The following PDPK1 variants were observed in gnomAD, a reference collection of about 807,000 sequenced individuals.
The protein encoded by PDPK1 is 3-phosphoinositide dependent protein kinase 1.
A neutral mutation model predicts 39.8 loss-of-function variants in PDPK1; 7 were observed. That is an observed-to-expected ratio of 0.18 (90% CI 0.10 to 0.33). The LOEUF is 0.33. PDPK1 is among the 10% of genes least tolerant of loss of function. The pLI is 1.00. For synonymous variants in PDPK1, 118 were observed against 159.1 expected (o/e 0.74, Z 1.95); for missense variants, 182 against 384.7 (o/e 0.47, Z 4.41).
In PDPK1 at chr16:2,538,645, C is replaced by T. The variant is rs759476910; in HGVS notation, c.24+509C>T. On this transcript the variant is annotated intron_variant, in intron 1 of 13. Coordinates refer to ENST00000342085, the MANE Select transcript of PDPK1 (RefSeq NM_002613.5). Reference sequence around the variant, plus strand: ...TTCTTGATGACAGTGGTCGGGAAAACTCGCCTTTCACGGCCCGGCCAAGGG... The same window carrying T: ...TTCTTGATGACAGTGGTCGGGAAAATTCGCCTTTCACGGCCCGGCCAAGGG... The T allele has an allele frequency of 6.2e-6, 8 of 1,288,946 alleles. No individual in the cohort carries two copies. In the African/African-American group the frequency reaches 1.1e-4, roughly 17 times the overall value. The allele number at this position is 1,288,946 out of a possible 1,614,324, so 79.8% of individuals were successfully genotyped here. A position where few individuals can be genotyped will look rare whatever the true frequency, so the allele number is the denominator to read the frequency against.
intron 1 of PDPK1, among the ~76,000 whole-genome samples, chr16:2,544,647 G>T (rs1240911368): frequency 6.6e-6 from 1 of 151,810 alleles, no homozygotes; most frequent in Non-Finnish European, 1.5e-5. Context: ...GCAGTGGCGC[G>T]ATCTCGGCTC....
At chr16:2,557,647 A>AT in intron 1 of PDPK1, 56 bp from the exon 2 acceptor site, 1 of 615,274 alleles carries the variant, frequency 1.6e-6, no homozygotes, top group Middle Eastern at 4.2e-4. Context: ...TAGTCCGTGC[A>AT]TTGAGAGCAA....
chr16:2,542,327 T>C (rs1042697800), intron 1 of PDPK1, among the ~76,000 whole-genome samples: 1 of 152,092 alleles, frequency 6.6e-6, no homozygotes, highest in Non-Finnish European at 1.5e-5. Context: ...CATTATTTAT[T>C]TATTTAATTT....
rs1222946384 is a variant in PDPK1 at position 2,544,307 on chromosome 16, C to T, written c.24+6171C>T. Among the ~76,000 whole-genome samples, 9 of 152,220 alleles carry T rather than the reference C, an allele frequency of 5.9e-5. No homozygotes were observed. The South Asian group carries it at 1.0e-3, about 18-fold the overall frequency. On this transcript the variant is annotated intron_variant, in intron 1 of 13. Transcript: ENST00000342085. ...GGAAAAGCTTGGAGGGAGGTTCCCA[C>T]AGAAATATTAGCAGTGGTTTCCTGG...
At chr16:2,591,763 T>G (rs947003845) in intron 11 of PDPK1, among the ~76,000 whole-genome samples, 8 of 152,280 alleles carry the variant, frequency 5.3e-5, no homozygotes, top group Non-Finnish European at 1.2e-4. Flanking sequence ...ACTCTCCTCA[T>G]TCATTATTTT....
At position 2,538,103 on chromosome 16, in the gene PDPK1, C is replaced by T; in HGVS notation, c.-10C>T. The T allele has an allele frequency of 3.8e-6, 4 of 1,060,950 alleles. No individual in the cohort carries two copies. The highest frequency in any genetic ancestry group is 4.6e-6 in the Non-Finnish European group (4 of 877,788). The allele number at this position is 1,060,950 out of a possible 1,614,324, so 65.7% of individuals were successfully genotyped here. On this transcript the variant is annotated 5_prime_UTR_variant, in exon 1 of 14. In the 5' UTR this introduces an upstream ATG that the reference lacks. Coordinates refer to ENST00000342085, the MANE Select transcript of PDPK1 (RefSeq NM_002613.5). ...GCTGCGGGGGAGGCGCCCGCGCCGA[C>T]GCGGGGCCCATGGCCAGGACCACCA...
intron 7 of PDPK1, among the ~76,000 whole-genome samples, chr16:2,577,887 C>T (rs1233370560): frequency 2.8e-4 from 41 of 148,926 alleles, no homozygotes; most frequent in East Asian, 1.0e-3. Context: ...TACAGGCGCA[C>T]GCCACCACGT....
rs761277571 is a variant in PDPK1 at position 2,597,210 on chromosome 16, G to A, written c.1489G>A (p.Glu497Lys). The A allele has an allele frequency of 8.1e-6, 13 of 1,596,828 alleles. No individual in the cohort carries two copies. Among genetic ancestry groups the A allele is most frequent in the Non-Finnish European group, 1.0e-5 (12 of 1,165,650 alleles). Reference sequence around the variant, plus strand: ...TCCTGTCAACAAAGTTCTGAAAGGTGAAATTCCTTGGTCACAAGAACTTCG... The same window carrying A: ...TCCTGTCAACAAAGTTCTGAAAGGTAAAATTCCTTGGTCACAAGAACTTCG... ...VDPVNKVLKGEIPWSQELRPE... is the reference protein window; with the variant it reads ...VDPVNKVLKGKIPWSQELRPE... Residue 497 changes from glutamate to lysine, a missense_variant, in exon 13 of 14, where the codon GAA becomes AAA. Around this residue, in one of 5 missense-constraint regions of PDPK1, gnomAD observed 67 missense variants for 87.8 expected, o/e 0.76. Transcript: ENST00000342085. The surrounding 1 kb of genome is among the most constrained non-coding windows in gnomAD (Gnocchi z 6.3).
chr16:2,573,887 C>T (rs1177700451), intron 6 of PDPK1, among the ~76,000 whole-genome samples: 1 of 29,928 alleles, frequency 3.3e-5, no homozygotes, highest in Admixed American at 3.3e-4. Context: ...CTCCGCCTCC[C>T]GGGTTCAAGC....
At position 2,597,809 on chromosome 16, in the gene PDPK1, G is replaced by T; in HGVS notation, c.*42G>T. The T allele has an allele frequency of 1.4e-6, 2 of 1,389,526 alleles. No individual in the cohort carries two copies. Among genetic ancestry groups the T allele is most frequent in the Non-Finnish European group, 1.0e-6 (1 of 981,574 alleles). The allele number at this position is 1,389,526 out of a possible 1,614,324, so 86.1% of individuals were successfully genotyped here. On this transcript the variant is annotated 3_prime_UTR_variant, in exon 14 of 14. Coordinates refer to ENST00000342085, the MANE Select transcript of PDPK1 (RefSeq NM_002613.5). The surrounding 1 kb of genome is among the most constrained non-coding windows in gnomAD (Gnocchi z 6.3). ...GCTGCCCTTCGCTGCCAGGACACCTGCCCCAGCGCGGCTTGGCCGCCATCC... is the reference window on the plus strand; with the variant it reads ...GCTGCCCTTCGCTGCCAGGACACCTTCCCCAGCGCGGCTTGGCCGCCATCC...
In PDPK1 at chr16:2,538,089, G is replaced by A. The variant is rs1174562519; in HGVS notation, c.-24G>A. 2.9e-6 allele frequency: 3 copies of A among 1,046,324 alleles called. No homozygotes were observed. Among genetic ancestry groups the A allele is most frequent in the Non-Finnish European group, 2.3e-6 (2 of 867,040 alleles). The allele number at this position is 1,046,324 out of a possible 1,614,324, so 64.8% of individuals were successfully genotyped here. A position where few individuals can be genotyped will look rare whatever the true frequency, so the allele number is the denominator to read the frequency against. On this transcript the variant is annotated 5_prime_UTR_variant, in exon 1 of 14. Transcript: ENST00000342085. ...CCGAGCCGCGCAGCGCTGCGGGGGAGGCGCCCGCGCCGACGCGGGGCCCAT... is the reference window on the plus strand; with the variant it reads ...CCGAGCCGCGCAGCGCTGCGGGGGAAGCGCCCGCGCCGACGCGGGGCCCAT...
At chr16:2,592,140 G>C (rs939562442) in intron 11 of PDPK1, among the ~76,000 whole-genome samples, 9 of 152,210 alleles carry the variant, frequency 5.9e-5, no homozygotes, top group African/African-American at 2.2e-4. Flanking sequence ...CTTTGGGCTT[G>C]GATCCTTGAC....
intron 1 of PDPK1, among the ~76,000 whole-genome samples, chr16:2,540,362 C>T (rs2066221976): frequency 6.6e-6 from 1 of 152,210 alleles, no homozygotes; most frequent in Admixed American, 6.5e-5. Flanking sequence ...CAGGCGCTTC[C>T]CTAGGTACTT....
chr16:2,580,480 G>A (rs1215525328), intron 7 of PDPK1, among the ~76,000 whole-genome samples: 2 of 136,906 alleles, frequency 1.5e-5, no homozygotes, highest in Admixed American at 7.2e-5. Context: ...CTAACTGAAC[G>A]TTTATTTGAT....
Position 2,597,653 on chromosome 16 carries a change from T to G in PDPK1, c.1557T>G (p.Pro519=). 6.2e-7 allele frequency: 1 copy of G among 1,610,236 alleles called. No homozygotes were observed. Among genetic ancestry groups the G allele is most frequent in the Non-Finnish European group, 8.5e-7 (1 of 1,176,594 alleles). ...CTAAACGGCTTCTGTCTTCGCAGCC[T>G]AACAGGACGTATTATCTGATGGACC... ...KNFKTFFVHT[P]NRTYYLMDPS... is the part of the protein sequence containing the mutation. Residue 519 remains proline, a splice_region_variant and synonymous_variant, in exon 14 of 14, where the codon CCT becomes CCG. Transcript: ENST00000342085. The surrounding 1 kb of genome is among the most constrained non-coding windows in gnomAD (Gnocchi z 6.3).
At chr16:2,594,974 T>A (rs2142006590) in intron 11 of PDPK1, among the ~76,000 whole-genome samples, 1 of 152,160 alleles carries the variant, frequency 6.6e-6, no homozygotes, top group Non-Finnish European at 1.5e-5. Context: ...ACAAAAAAAA[T>A]TAGCTGGGCA....
Position 2,588,860 on chromosome 16 carries a change from C to T in PDPK1, c.1343+1967C>T, listed in dbSNP as rs1288000815. Among the ~76,000 whole-genome samples, 3 of 152,140 alleles carry T rather than the reference C, an allele frequency of 2.0e-5. No individual in the cohort carries two copies. The East Asian group carries it at 5.8e-4, about 29-fold the overall frequency. ...TTATTTGCCTTTTTGCTGTCATTCT[C>T]TGTGCGTGTATGGTGAGTTTTTCAG... On this transcript the variant is annotated intron_variant, in intron 11 of 13. Coordinates refer to ENST00000342085, the MANE Select transcript of PDPK1 (RefSeq NM_002613.5).
chr16:2,542,091 A>G (rs2066255093), intron 1 of PDPK1, among the ~76,000 whole-genome samples: 2 of 152,220 alleles, frequency 1.3e-5, no homozygotes, highest in Admixed American at 6.5e-5. Flanking sequence ...CAGGTCATTT[A>G]GAATGTGTTA....
At position 2,600,372 on chromosome 16, in the gene PDPK1, A is replaced by C. The variant is rs1422793704; in HGVS notation, c.*2605A>C. 1 of 232,742 alleles carries C rather than the reference A, an allele frequency of 4.3e-6. No homozygotes were observed. The highest frequency in any genetic ancestry group is 8.5e-6 in the Non-Finnish European group (1 of 118,076). The allele number at this position is 232,742 out of a possible 1,614,324, so 14.4% of individuals were successfully genotyped here. A position where few individuals can be genotyped will look rare whatever the true frequency, so the allele number is the denominator to read the frequency against. On this transcript the variant is annotated 3_prime_UTR_variant, in exon 14 of 14. Transcript: ENST00000342085. The stretch of plus-strand genomic sequence containing the variant: ...CGGCTTCTCGGCACAAAGCGGAGGG[A>C]GGCTGTGGTCGCTGCCGGCCTAGGT...
Sources: allele counts gnomAD v4.1 joint callset (sites outside exome capture counted in the v4.1 genomes callset), GRCh38; gene constraint gnomAD v4.1.1; regional missense constraint gnomAD v4.1.1; non-coding constraint Gnocchi (gnomAD v3.1); transcripts MANE v1.5; gene names NCBI Gene and HGNC (gene_info 2026-07-23, HGNC 2026-07-21).